The following KPNB1 variants were observed in gnomAD, a reference collection of about 807,000 sequenced individuals.
The protein encoded by KPNB1 is importin subunit beta-1.
A neutral mutation model predicts 113.0 loss-of-function variants in KPNB1; 7 were observed. The observed-to-expected ratio is 0.06, with a 90% confidence interval of 0.04 to 0.12. The LOEUF (loss-of-function observed/expected upper bound fraction) is 0.12. KPNB1 is among the 10% of genes least tolerant of loss of function. The pLI is 1.00. For synonymous variants in KPNB1, 363 were observed against 378.6 expected (o/e 0.96, Z 0.48); for missense variants, 400 against 1,054.8 (o/e 0.38, Z 8.60).
At chr17:47,674,350 G>A (rs898020323) in intron 14 of KPNB1, among the ~76,000 whole-genome samples, 6 of 152,132 alleles carry the variant, frequency 3.9e-5, no homozygotes, top group South Asian at 2.1e-4. Flanking sequence ...GGACTATGGC[G>A]GCTACCAGCA....
intron 4 of KPNB1, 106 bp from the exon 5 acceptor site, chr17:47,658,402 T>C: frequency 2.4e-6 from 3 of 1,260,758 alleles, no homozygotes; most frequent in Non-Finnish European, 3.3e-6. Flanking sequence ...ATCCATTTTT[T>C]TTCCTCTAAA....
At chr17:47,673,731 A>C (rs1597936619) in intron 14 of KPNB1, 170 bp downstream of exon 14, 6 of 602,880 alleles carry the variant, frequency 1.0e-5, no homozygotes. Context: ...GGAATTCCCC[A>C]CCTGCCTTAC....
rs773952324 is a variant in KPNB1 at position 47,676,991 on chromosome 17, TAGA to T, written c.1996-25_1996-23del. ...TGCCCCAGCAGGCAGCCTTTTCTGTTAGAAGATTATTTCCTTGATTCTTGGCAG... is the reference window on the plus strand; with the variant it reads ...TGCCCCAGCAGGCAGCCTTTTCTGTTAGATTATTTCCTTGATTCTTGGCAG... On this transcript the variant is annotated intron_variant, in intron 16 of 21. Coordinates refer to ENST00000290158, the MANE Select transcript of KPNB1 (RefSeq NM_002265.6). The T allele has an allele frequency of 7.6e-6, 12 of 1,575,034 alleles. No homozygotes were observed. In the African/African-American group the frequency reaches 8.1e-5, roughly 11 times the overall value.
intron 5 of KPNB1, among the ~76,000 whole-genome samples, chr17:47,659,483 G>A (rs1053217959): frequency 5.3e-5 from 8 of 152,070 alleles, no homozygotes. Context: ...CGGGTGCTGG[G>A]GCTCACATCC....
At chr17:47,679,671 A>T (rs1399506560) in intron 19 of KPNB1, among the ~76,000 whole-genome samples, 3 of 152,002 alleles carry the variant, frequency 2.0e-5, no homozygotes, top group Non-Finnish European at 4.4e-5. Flanking sequence ...TATGAGGGAC[A>T]GCTGCATCAG....
rs1264741420 is a variant in KPNB1, at chr17:47,665,177, A to C, written c.999+19A>C. On this transcript the variant is annotated intron_variant, in intron 9 of 21. Transcript: ENST00000290158. Reference sequence around the variant, plus strand: ...TAAACAGGTGAGTTACCTTCCAAATATAGGTAGGTAAGCTGTGGAACCTTA... The same window carrying C: ...TAAACAGGTGAGTTACCTTCCAAATCTAGGTAGGTAAGCTGTGGAACCTTA... 6.4e-7 allele frequency: 1 copy of C among 1,558,034 alleles called. No individual in the cohort carries two copies. Among genetic ancestry groups the C allele is most frequent in the Non-Finnish European group, 8.9e-7 (1 of 1,128,828 alleles).
chr17:47,674,552 CTTAA>C, intron 14 of KPNB1, 82 bp from the exon 15 acceptor site: 2 of 1,316,580 alleles, frequency 1.5e-6, no homozygotes, highest in Non-Finnish European at 2.1e-6. Context: ...TATCAAGGGA[CTTAA>C]TTGATTTTAA....
chr17:47,683,104 A>AAAAAAC lies in KPNB1; in HGVS notation c.*705_*706insCAAAAA, dbSNP rs1567897174. On this transcript the variant is annotated 3_prime_UTR_variant, in exon 22 of 22. Transcript: ENST00000290158. Reference sequence around the variant, plus strand: ...CACAAGAGATGTAAAAAAAAAAAAAAAAAAAAAAAAAAAAACACACACACA... The same window carrying AAAAAAC: ...CACAAGAGATGTAAAAAAAAAAAAAAAAAAACAAAAAAAAAAAAAAACACACACACA... The AAAAAAC allele has an allele frequency of 6.8e-6, 1 of 147,062 alleles. No homozygotes were observed. The highest frequency in any genetic ancestry group is 2.5e-5 in the African/African-American group (1 of 40,166). 9.1% of individuals were successfully genotyped at this position (147,062 alleles called of 1,614,324 possible). A position where few individuals can be genotyped will look rare whatever the true frequency, so the allele number is the denominator to read the frequency against.
At position 47,665,000 on chromosome 17, in the gene KPNB1, C is replaced by T; in HGVS notation, c.898-57C>T. 16 of 1,217,108 alleles carry T rather than the reference C, an allele frequency of 1.3e-5. No homozygotes were observed. The South Asian group carries it at 1.7e-4, about 13-fold the overall frequency. The allele number at this position is 1,217,108 out of a possible 1,614,324, so 75.4% of individuals were successfully genotyped here. Reference sequence around the variant, plus strand: ...ATCCCTGTTCGGCTCTCATTGTATGCCTTTAGTATACAGAGCTCGGTTGCT... The same window carrying T: ...ATCCCTGTTCGGCTCTCATTGTATGTCTTTAGTATACAGAGCTCGGTTGCT... On this transcript the variant is annotated intron_variant, in intron 8 of 21. Coordinates refer to ENST00000290158, the MANE Select transcript of KPNB1 (RefSeq NM_002265.6).
At chr17:47,671,654 G>C (rs1266850284) in intron 12 of KPNB1, 1 of 151,502 alleles carries the variant, frequency 6.6e-6, no homozygotes, top group African/African-American at 2.4e-5. Context: ...CAGCCTCCTG[G>C]GTAGCTGGGA....
chr17:47,673,347 A>T, intron 13 of KPNB1, 143 bp from the exon 14 acceptor site: 1 of 864,216 alleles, frequency 1.2e-6, no homozygotes, highest in Non-Finnish European at 1.8e-6. Context: ...TGGTTTACTC[A>T]TATATGTGTT....
intron 2 of KPNB1, among the ~76,000 whole-genome samples, chr17:47,650,832 C>T (rs1915540846): frequency 6.6e-6 from 1 of 152,128 alleles, no homozygotes; most frequent in African/African-American, 2.4e-5. Flanking sequence ...CGGGCCCGGC[C>T]GCCCGCCCTG....
intron 5 of KPNB1, among the ~76,000 whole-genome samples, chr17:47,658,933 A>T (rs1440211142): frequency 6.6e-6 from 1 of 152,042 alleles, no homozygotes; most frequent in Non-Finnish European, 1.5e-5. Flanking sequence ...TTTTTAAATT[A>T]TAGGGCATGG....
intron 12 of KPNB1, among the ~76,000 whole-genome samples, chr17:47,671,272 A>ATGAT (rs535052505): frequency 1.5e-3 from 235 of 152,266 alleles, no homozygotes; most frequent in Non-Finnish European, 2.6e-3. Context: ...AAAGAATTCC[A>ATGAT]TGATTGATTG....
chr17:47,671,605 C>T (rs1297433174), intron 12 of KPNB1: 3 of 152,036 alleles, frequency 2.0e-5, no homozygotes, highest in Non-Finnish European at 4.4e-5. Flanking sequence ...GTGGCGCAAT[C>T]TCAGCTCACT....
At chr17:47,664,954 T>C in intron 8 of KPNB1, 103 bp from the exon 9 acceptor site, 5 of 814,198 alleles carry the variant, frequency 6.1e-6, no homozygotes, top group South Asian at 5.8e-5. Flanking sequence ...TGTCCTTGTA[T>C]GTTTCTGTTT....
Position 47,683,110 on chromosome 17 carries a change from A to AC in KPNB1, c.*706_*707insC, listed in dbSNP as rs1228849601. On this transcript the variant is annotated 3_prime_UTR_variant, in exon 22 of 22. Transcript: ENST00000290158. ...AGATGTAAAAAAAAAAAAAAAAAAA[A>AC]AAAAAAAAACACACACACAGAGGAA... 1 of 147,348 alleles carries AC rather than the reference A, an allele frequency of 6.8e-6. No individual in the cohort carries two copies. Among genetic ancestry groups the AC allele is most frequent in the Admixed American group, 6.8e-5 (1 of 14,768 alleles). 9.1% of individuals were successfully genotyped at this position (147,348 alleles called of 1,614,324 possible). A position where few individuals can be genotyped will look rare whatever the true frequency, so the allele number is the denominator to read the frequency against.
rs1236750113 is a variant in KPNB1 at position 47,652,680 on chromosome 17, TCTTCC to T, written c.100-10_100-6del. On this transcript the variant is annotated splice_polypyrimidine_tract_variant and intron_variant, in intron 2 of 21. Transcript: ENST00000290158. ...TAAGATATTTTTATTTACAAATTTA[TCTTCC>T]CTTAACAGCCCACTTTCCTTGTGGA... The T allele has an allele frequency of 1.3e-6, 2 of 1,521,798 alleles. No homozygotes were observed. Among genetic ancestry groups the T allele is most frequent in the Non-Finnish European group, 1.8e-6 (2 of 1,136,702 alleles). 94.3% of individuals were successfully genotyped at this position (1,521,798 alleles called of 1,614,324 possible).
At chr17:47,665,750 G>A (rs769529076) in intron 9 of KPNB1, among the ~76,000 whole-genome samples, 12 of 152,150 alleles carry the variant, frequency 7.9e-5, no homozygotes, top group African/African-American at 1.7e-4. Flanking sequence ...TATGAGGACC[G>A]TGTCCTGGTT....
Sources: gnomAD v4.1 joint callset for allele counts (sites outside exome capture counted in the v4.1 genomes callset) on GRCh38, gnomAD v4.1.1 for gene constraint, MANE v1.5 for transcripts, NCBI Gene and HGNC (gene_info 2026-07-23, HGNC 2026-07-21) for gene names.